Variants in SYK observed in about 807,000 individuals in gnomAD.
SYK encodes spleen associated tyrosine kinase, also known as tyrosine-protein kinase SYK.
A neutral mutation model predicts 77.8 loss-of-function variants in SYK; 16 were observed. The observed-to-expected ratio is 0.21, with a 90% CI of 0.14 to 0.31. The LOEUF is 0.31. SYK is among the 10% of genes least tolerant of loss of function. SYK has a pLI of 1.00. For synonymous variants in SYK, 312 were observed against 308.7 expected, an observed-to-expected ratio of 1.01 and a Z score of -0.11; for missense variants, 529 against 814.4, an observed-to-expected ratio of 0.65 and a Z score of 4.26.
intron 1 of SYK, among the ~76,000 whole-genome samples, chr9:90,819,114 A>C (rs1825411628): frequency 6.6e-6 from 1 of 152,222 alleles, no homozygotes; most frequent in African/African-American, 2.4e-5. Context: ...TGATTTTTAC[A>C]GTAATTTGTA....
In SYK at chr9:90,896,801, TG is replaced by T. The variant is rs1188988021; in HGVS notation, c.*1203del. On this transcript the variant is annotated 3_prime_UTR_variant, in exon 14 of 14. Transcript: ENST00000375754. ...CAGCACTTTAGGAGGCCGAGGCGGGTGGATCACTTGAGGTAAGGAGTTTGAG... is the reference window on the plus strand; with the variant it reads ...CAGCACTTTAGGAGGCCGAGGCGGGTGATCACTTGAGGTAAGGAGTTTGAG... The T allele has an allele frequency of 3.7e-5, 8 of 217,974 alleles. No individual in the cohort carries two copies. The highest frequency in any genetic ancestry group is 1.6e-4 in the African/African-American group (7 of 44,482). 13.5% of individuals were successfully genotyped at this position (217,974 alleles called of 1,614,324 possible). A position where few individuals can be genotyped will look rare whatever the true frequency, so the allele number is the denominator to read the frequency against.
intron 1 of SYK, among the ~76,000 whole-genome samples, chr9:90,828,537 A>G (rs1825761887): frequency 6.6e-6 from 1 of 152,068 alleles, no homozygotes; most frequent in Non-Finnish European, 1.5e-5. Flanking sequence ...CTCAGGGTCA[A>G]TATGCGCCCC....
At chr9:90,805,531 A>G (rs1207925435) in intron 1 of SYK, among the ~76,000 whole-genome samples, 6 of 152,268 alleles carry the variant, frequency 3.9e-5, no homozygotes, top group Non-Finnish European at 8.8e-5. Flanking sequence ...GGCCCAGGGC[A>G]GAGATTTAGG....
chr9:90,845,502 C>T lies in SYK; in HGVS notation c.486C>T (p.Ala162=). Residue 162 remains alanine (A), a synonymous_variant, in exon 3 of 14, where the codon GCC becomes GCT. Transcript: ENST00000375754. The part of the protein sequence containing the change: ...PQLEKLIATT[A]HEKMPWFHGK... The stretch of plus-strand genomic sequence containing the variant: ...TGGAGAAGCTGATCGCTACCACAGC[C>T]CATGAAAAAATGCCTTGGTTCCATG... 1 of 1,614,182 alleles carries T rather than the reference C, an allele frequency of 6.2e-7. No individual in the cohort carries two copies. Among genetic ancestry groups the T allele is most frequent in the Non-Finnish European group, 8.5e-7 (1 of 1,180,026 alleles).
At chr9:90,832,514 G>A (rs1825931413) in intron 1 of SYK, among the ~76,000 whole-genome samples, 1 of 152,306 alleles carries the variant, frequency 6.6e-6, no homozygotes, top group Admixed American at 6.5e-5. Flanking sequence ...AAGCCAGGGT[G>A]AGGCAGGCAG....
In SYK at chr9:90,880,858, C is replaced by T. The variant is rs967899428; in HGVS notation, c.1581+1905C>T. The stretch of plus-strand genomic sequence containing the variant: ...CTCAGCCACTGAGCAGCTGGTTAGA[C>T]ACAGCCCATGCTGGAGACCTCTGCG... On this transcript the variant is annotated intron_variant, in intron 11 of 13. Transcript: ENST00000375754. Among the ~76,000 whole-genome samples the T allele has an allele frequency of 3.9e-5, 6 of 152,232 alleles. No individual in the cohort carries two copies. In the East Asian group the frequency reaches 1.2e-3, roughly 29 times the overall value.
intron 3 of SYK, among the ~76,000 whole-genome samples, chr9:90,856,591 CTGTT>C (rs61333133): frequency 0.12 from 17,988 of 151,152 alleles, 1,442 homozygotes; most frequent in Admixed American, 0.25. Context: ...TCTAGCAGTT[CTGTT>C]TGTTTGTTTG....
intron 3 of SYK, among the ~76,000 whole-genome samples, chr9:90,850,798 A>G (rs544268127): frequency 3.5e-4 from 54 of 152,128 alleles, no homozygotes; most frequent in Non-Finnish European, 5.1e-4. Flanking sequence ...AATTCCTGAA[A>G]TGCATGCACC....
chr9:90,874,409 A>C (rs1219375888), intron 8 of SYK, 118 bp downstream of exon 8: 1 of 1,076,950 alleles, frequency 9.3e-7, no homozygotes, highest in Non-Finnish European at 1.4e-6. Context: ...AGCCACAGTT[A>C]GCCATGGAAA....
chr9:90,881,294 C>T (rs1351198902), intron 11 of SYK, among the ~76,000 whole-genome samples: 3 of 152,086 alleles, frequency 2.0e-5, no homozygotes, highest in Admixed American at 2.0e-4. Flanking sequence ...AAATAAAAGC[C>T]ATCTTGGAAG....
rs568927717 is a variant in SYK at position 90,828,106 on chromosome 9, T to C, written c.-41-15752T>C. 5.9e-5 allele frequency among the ~76,000 whole-genome samples: 9 copies of C among 152,210 alleles called. No homozygotes were observed. The South Asian group carries it at 1.7e-3, about 28-fold the overall frequency. On this transcript the variant is annotated intron_variant, in intron 1 of 13. Transcript: ENST00000375754. ...TGCAGGATCCCCATAAAGATTATGC[T>C]CATAAGGTAGTGATGGAAAAGTAAA...
At chr9:90,817,845 T>TTGTG (rs746939088) in intron 1 of SYK, among the ~76,000 whole-genome samples, 572 of 137,618 alleles carry the variant, frequency 4.2e-3, no homozygotes, top group African/African-American at 0.01. Flanking sequence ...CTCAATAATG[T>TTGTG]TGTGTGTGTG....
At chr9:90,864,524 T>C in intron 4 of SYK, 65 bp from the exon 5 acceptor site, 1 of 1,404,090 alleles carries the variant, frequency 7.1e-7, no homozygotes, top group Non-Finnish European at 1.0e-6. Flanking sequence ...TCAGTAGCTC[T>C]CAGTCACTAT....
chr9:90,825,067 C>G (rs10993700), intron 1 of SYK, among the ~76,000 whole-genome samples: 10,284 of 148,884 alleles, frequency 0.069, 471 homozygotes, highest in Non-Finnish European at 0.092. Flanking sequence ...CAGTAGTTAA[C>G]TATTGAAATT....
intron 11 of SYK, among the ~76,000 whole-genome samples, chr9:90,885,606 T>A (rs1828533944): frequency 6.6e-6 from 1 of 152,144 alleles, no homozygotes; most frequent in South Asian, 2.1e-4. Context: ...AGATTAGAAA[T>A]CCTATTTAAT....
intron 1 of SYK, among the ~76,000 whole-genome samples, chr9:90,841,386 GTA>G (rs1486988312): frequency 4.5e-5 from 3 of 66,800 alleles, no homozygotes; most frequent in Non-Finnish European, 6.9e-5. Flanking sequence ...CAGTGTGTGT[GTA>G]GTTTGTGTAT....
chr9:90,881,676 T>C (rs1317090788), intron 11 of SYK, among the ~76,000 whole-genome samples: 2 of 10,156 alleles, frequency 2.0e-4, no homozygotes, highest in Middle Eastern at 0.17. Flanking sequence ...CAAGACTCTG[T>C]CTCAAAAAAA....
chr9:90,859,950 A>G (rs1827189273), intron 3 of SYK, among the ~76,000 whole-genome samples: 1 of 152,228 alleles, frequency 6.6e-6, no homozygotes, highest in Non-Finnish European at 1.5e-5. Context: ...CAGATTGGAC[A>G]TGGATTCAGA....
intron 3 of SYK, among the ~76,000 whole-genome samples, chr9:90,850,053 T>G (rs1004457652): frequency 3.3e-5 from 5 of 152,210 alleles, no homozygotes; most frequent in African/African-American, 1.2e-4. Context: ...GTCATTCTTC[T>G]GCAGGTGAGA....
Sources: gnomAD v4.1 joint callset for allele counts (sites outside exome capture counted in the v4.1 genomes callset) on GRCh38, gnomAD v4.1.1 for gene constraint, MANE v1.5 for transcripts, NCBI Gene and HGNC (gene_info 2026-07-23, HGNC 2026-07-21) for gene names.